SLC6A18: variants seen among roughly 807,000 people sequenced by gnomAD.
SLC6A18 encodes the protein solute carrier family 6 member 18, also known as inactive sodium-dependent neutral amino acid transporter B(0)AT3.
Under a neutral mutation model 62.9 loss-of-function variants are expected in SLC6A18, and 58 were observed. The ratio of observed to expected loss-of-function variants is 0.92; its 90% CI spans 0.75 to 1.15. SLC6A18 has a LOEUF of 1.15. Ranked by LOEUF, SLC6A18 falls within the 50% of genes most tolerant of loss-of-function variation. The pLI is 0.00. For missense variants in SLC6A18, 793 were observed against 836.6 expected (o/e 0.95, Z 0.64); for synonymous variants, 382 against 365.8 (o/e 1.04, Z -0.51).
In SLC6A18 at chr5:1,242,767, C is replaced by T. The variant is rs1394195677; in HGVS notation, c.1035C>T (p.Asp345=). 1 of 1,614,006 alleles carries T rather than the reference C, an allele frequency of 6.2e-7. No individual in the cohort carries two copies. The highest frequency in any genetic ancestry group is 1.3e-5 in the African/African-American group (1 of 75,078). ...CAGAGCAGAGCATCTCCAGGGACGA[C>T]TACCCAGCCGTCCTCATGCACCTGA... ...DFPEQSISRD[D]YPAVLMHLNA... Residue 345 remains aspartate, a synonymous_variant, in exon 8 of 12, where the codon GAC becomes GAT. Coordinates refer to ENST00000324642, the MANE Select transcript of SLC6A18 (RefSeq NM_182632.3).
At chr5:1,230,343 G>A (rs1746699147) in intron 1 of SLC6A18, among the ~76,000 whole-genome samples, 1 of 152,160 alleles carries the variant, frequency 6.6e-6, no homozygotes, top group Non-Finnish European at 1.5e-5. Flanking sequence ...GGGGTGCCCT[G>A]GGTTTTGTTC....
At chr5:1,228,769 G>T (rs929909256) in intron 1 of SLC6A18, among the ~76,000 whole-genome samples, 2 of 152,258 alleles carry the variant, frequency 1.3e-5, no homozygotes, top group African/African-American at 4.8e-5. Flanking sequence ...CTACCCAGGA[G>T]GCTGAGGTGG....
chr5:1,241,279 G>T lies in SLC6A18; in HGVS notation c.974+620G>T, dbSNP rs564858741. On this transcript the variant is annotated intron_variant, in intron 7 of 11. Transcript: ENST00000324642. This position sits in a 1 kb window ranked among gnomAD's most constrained non-coding sequence, Gnocchi z 7.8. ...TTGCTTGTGAACTACCTTCAGGTGG[G>T]TCCTTGAGAACCCACTGGGCAGACA... Among the ~76,000 whole-genome samples the T allele has an allele frequency of 6.6e-6, 1 of 152,318 alleles. No individual in the cohort carries two copies. Among genetic ancestry groups the T allele is most frequent in the Admixed American group, 6.5e-5 (1 of 15,310 alleles).
intron 2 of SLC6A18, 49 bp downstream of exon 2, chr5:1,232,408 C>G (rs1228994978): frequency 1.9e-5 from 30 of 1,579,290 alleles, no homozygotes; most frequent in Non-Finnish European, 2.6e-5. Flanking sequence ...AGGGACAGGG[C>G]CCTCCTGGAT....
Position 1,240,438 on chromosome 5 carries a change from G to T in SLC6A18, c.846-93G>T, listed in dbSNP as rs984791776. 30 of 1,557,608 alleles carry T rather than the reference G, an allele frequency of 1.9e-5. No homozygotes were observed. The Admixed American group carries it at 2.3e-4, about 12-fold the overall frequency. On this transcript the variant is annotated intron_variant, in intron 6 of 11. Coordinates refer to ENST00000324642, the MANE Select transcript of SLC6A18 (RefSeq NM_182632.3). The stretch of plus-strand genomic sequence containing the variant: ...AAGGGGCATCCCAGGCGGGAGAGAG[G>T]GTCAAGGAGGGAAGCCCCCTCCTCA...
rs4975623 is a variant in SLC6A18, at chr5:1,232,376, G to C, written c.301+17G>C. Reference sequence around the variant, plus strand: ...GTGGAGTAGGTAGGCCACCGTCCTCGCTTGCCCTGACTGAGGCTGCCAGGG... The same window carrying C: ...GTGGAGTAGGTAGGCCACCGTCCTCCCTTGCCCTGACTGAGGCTGCCAGGG... On this transcript the variant is annotated intron_variant, in intron 2 of 11. Coordinates refer to ENST00000324642, the MANE Select transcript of SLC6A18 (RefSeq NM_182632.3). 0.91 allele frequency: 1,451,206 copies of C among 1,603,348 alleles called. 659,199 individuals carry two copies. Among genetic ancestry groups the C allele is most frequent in the African/African-American group, 0.95 (70,811 of 74,924 alleles).
chr5:1,238,945 C>A (rs558307329), intron 5 of SLC6A18, among the ~76,000 whole-genome samples: 1 of 152,348 alleles, frequency 6.6e-6, no homozygotes, highest in East Asian at 1.9e-4. Flanking sequence ...CCCTGCCCAG[C>A]ATCCCGAGGC....
chr5:1,232,710 G>C (rs768326574), intron 2 of SLC6A18, 41 bp from the exon 3 acceptor site: 22 of 1,567,028 alleles, frequency 1.4e-5, no homozygotes, highest in Non-Finnish European at 1.9e-5. Context: ...AGGGAGCTGG[G>C]AAGGAGCCCC....
chr5:1,239,682 C>T, intron 6 of SLC6A18, 120 bp downstream of exon 6: 1 of 747,314 alleles, frequency 1.3e-6, no homozygotes, highest in South Asian at 1.7e-5. Context: ...GAGATAAGAA[C>T]CTCACGCCAC....
At chr5:1,226,216 G>A (rs1746558328) in intron 1 of SLC6A18, among the ~76,000 whole-genome samples, 1 of 152,202 alleles carries the variant, frequency 6.6e-6, no homozygotes. Context: ...ACCCCCAGAA[G>A]TGCATTGGTG....
In SLC6A18 at chr5:1,235,566, C is replaced by CA. The variant is rs1403157979; in HGVS notation, c.526dup (p.Ser176LysfsTer28). The CA allele has an allele frequency of 6.2e-7, 1 of 1,613,970 alleles. No individual in the cohort carries two copies. The highest frequency in any genetic ancestry group is 8.5e-7 in the Non-Finnish European group (1 of 1,180,044). ...TGAACATCACAGCCGACATCAATGA[C>CA]AGTGGCTCCATCCAGTGGTGGCTGC... is the stretch of plus-strand genomic sequence containing the variant. On this transcript the variant is annotated frameshift_variant, in exon 4 of 12. Coordinates refer to ENST00000324642, the MANE Select transcript of SLC6A18 (RefSeq NM_182632.3). LOFTEE classifies it high-confidence loss of function.
intron 6 of SLC6A18, 108 bp downstream of exon 6, chr5:1,239,670 C>T (rs767329037): frequency 6.8e-5 from 58 of 859,078 alleles, no homozygotes; most frequent in Non-Finnish European, 1.0e-4. Flanking sequence ...TTGTGTGAAC[C>T]TGAGATAAGA....
Position 1,246,132 on chromosome 5 carries a change from T to G in SLC6A18, c.*54T>G. Reference sequence around the variant, plus strand: ...GGGTCTGTGGGGGGGCTTGGCCTGATGGTGGGCGGGGCCCCGCCCACAGGG... The same window carrying G: ...GGGTCTGTGGGGGGGCTTGGCCTGAGGGTGGGCGGGGCCCCGCCCACAGGG... On this transcript the variant is annotated 3_prime_UTR_variant, in exon 12 of 12. Transcript: ENST00000324642. The G allele has an allele frequency of 2.1e-6, 3 of 1,413,678 alleles. No individual in the cohort carries two copies. Among genetic ancestry groups the G allele is most frequent in the East Asian group, 5.9e-5 (2 of 33,864 alleles). 87.6% of individuals were successfully genotyped at this position (1,413,678 alleles called of 1,614,324 possible). A position where few individuals can be genotyped will look rare whatever the true frequency, so the allele number is the denominator to read the frequency against.
intron 6 of SLC6A18, 125 bp downstream of exon 6, chr5:1,239,687 C>T (rs1254098879): frequency 8.2e-6 from 6 of 729,404 alleles, no homozygotes; most frequent in South Asian, 3.4e-5. Context: ...AAGAACCTCA[C>T]GCCACAGTCT....
intron 2 of SLC6A18, 55 bp downstream of exon 2, chr5:1,232,414 T>G: frequency 6.4e-7 from 1 of 1,562,370 alleles, no homozygotes; most frequent in Non-Finnish European, 8.7e-7. Flanking sequence ...AGGGCCCTCC[T>G]GGATGAGAGG....
intron 1 of SLC6A18, 109 bp downstream of exon 1, chr5:1,225,746 C>G (rs1172818983): frequency 2.2e-6 from 3 of 1,346,442 alleles, no homozygotes; most frequent in Non-Finnish European, 3.0e-6. Context: ...CAGAGTCACT[C>G]CTCCTGGAAA....
rs776141781 is a variant in SLC6A18, at chr5:1,225,625, A to G, written c.148A>G (p.Thr50Ala). 1 of 1,589,512 alleles carries G rather than the reference A, an allele frequency of 6.3e-7. No homozygotes were observed. Among genetic ancestry groups the G allele is most frequent in the Non-Finnish European group, 8.6e-7 (1 of 1,167,650 alleles). Residue 50 changes from threonine (T) to alanine (A), a missense_variant, in exon 1 of 12, where the codon ACC becomes GCC. Physicochemically the swap from Thr to Ala is moderately conservative, Grantham distance 58. Coordinates refer to ENST00000324642, the MANE Select transcript of SLC6A18 (RefSeq NM_182632.3). ...NIWRFPYLCQ[T>A]YGGGAFLIPY... is the part of the protein sequence containing the mutation. ...TTGGCGGTTCCCATACCTGTGCCAG[A>G]CCTATGGAGGAGGTAAGCACCCACC...
Position 1,232,272 on chromosome 5 carries a change from T to G in SLC6A18, c.214T>G (p.Phe72Val), listed in dbSNP as rs756060943. The G allele has an allele frequency of 6.8e-6, 11 of 1,613,106 alleles. No individual in the cohort carries two copies. The South Asian group carries it at 1.2e-4, about 18-fold the overall frequency. Residue 72 changes from phenylalanine (F) to valine (V), a missense_variant, in exon 2 of 12, where the codon TTC (phenylalanine) becomes GTC (valine). Phe to Val is a conservative substitution (Grantham distance 50). Coordinates refer to ENST00000324642, the MANE Select transcript of SLC6A18 (RefSeq NM_182632.3). The part of the protein sequence containing the change: ...IALVFEGIPI[F>V]HVELAIGQRL... ...GCTGGTCTTCGAGGGGATCCCCATTTTCCACGTCGAGCTCGCCATCGGCCA... is the reference window on the plus strand; with the variant it reads ...GCTGGTCTTCGAGGGGATCCCCATTGTCCACGTCGAGCTCGCCATCGGCCA...
At chr5:1,232,119 C>T (rs1189403583) in intron 1 of SLC6A18, 100 bp from the exon 2 acceptor site, 4 of 1,076,396 alleles carry the variant, frequency 3.7e-6, no homozygotes, top group South Asian at 1.5e-5. Flanking sequence ...ATTCAGGTCC[C>T]GTCTGCCCCT....
Sources: allele counts gnomAD v4.1 joint callset (sites outside exome capture counted in the v4.1 genomes callset), GRCh38; gene constraint gnomAD v4.1.1; non-coding constraint Gnocchi (gnomAD v3.1); transcripts MANE v1.5; gene names NCBI Gene and HGNC (gene_info 2026-07-23, HGNC 2026-07-21).